EBF1: variants seen among roughly 807,000 people sequenced by gnomAD.
EBF1 encodes transcription factor COE1.
EBF1 carries 10 observed loss-of-function variants against 68.4 expected under a neutral mutation model. The observed-to-expected ratio is 0.15, with a 90% CI of 0.09 to 0.25. The LOEUF is 0.25. Among genes scored for constraint, EBF1 ranks in the 10% least tolerant of loss-of-function variants. The pLI is 1.00. For missense variants in EBF1, 509 were observed against 794.4 expected, an observed-to-expected ratio of 0.64 and a Z score of 4.32; for synonymous variants, 298 against 299.8, an observed-to-expected ratio of 0.99 and a Z score of 0.06.
At position 158,726,188 on chromosome 5, in the gene EBF1, T is replaced by C. The variant is rs570397048; in HGVS notation, c.1125+4881A>G. Among the ~76,000 whole-genome samples the C allele has an allele frequency of 2.0e-5, 3 of 152,346 alleles. No individual in the cohort carries two copies. In the South Asian group the frequency reaches 6.2e-4, roughly 32 times the overall value. ...AAAGGATAAAAAATGCTTTGAGCCA[T>C]GTCTACGTGTTATCTATACCTACCA... is the stretch of plus-strand genomic sequence containing the variant. On this transcript the variant is annotated intron_variant, in intron 11 of 15. Coordinates refer to ENST00000313708, the MANE Select transcript of EBF1 (RefSeq NM_024007.5).
intron 6 of EBF1, among the ~76,000 whole-genome samples, chr5:159,021,502 T>C (rs1006429311): frequency 6.6e-6 from 1 of 152,192 alleles, no homozygotes; most frequent in African/African-American, 2.4e-5. Context: ...GGTCCACCTG[T>C]GCCTGTGAGG....
intron 6 of EBF1, among the ~76,000 whole-genome samples, chr5:159,027,658 C>T (rs552984948): frequency 1.3e-5 from 2 of 152,166 alleles, no homozygotes; most frequent in South Asian, 2.1e-4. Context: ...TATCCCAAAA[C>T]GTTAGTTCTT....
At chr5:159,009,296 T>C (rs1003824715) in intron 6 of EBF1, among the ~76,000 whole-genome samples, 2 of 152,202 alleles carry the variant, frequency 1.3e-5, no homozygotes, top group African/African-American at 2.4e-5. Context: ...AATTGTTTTA[T>C]AGTGTTAAGA....
chr5:158,712,361 G>T (rs561976716), intron 13 of EBF1, 28 bp from the exon 14 acceptor site: 2 of 1,610,576 alleles, frequency 1.2e-6, no homozygotes, highest in South Asian at 2.2e-5. Context: ...AACCGGAGGT[G>T]AGGGTGGCAT....
intron 4 of EBF1, 94 bp from the exon 5 acceptor site, chr5:159,084,833 C>A: frequency 2.8e-6 from 3 of 1,080,314 alleles, no homozygotes; most frequent in East Asian, 2.8e-5. Flanking sequence ...TTCACCACTA[C>A]TGAAGGCCAA....
intron 6 of EBF1, among the ~76,000 whole-genome samples, chr5:158,977,855 A>T (rs923612170): frequency 1.3e-5 from 2 of 152,118 alleles, no homozygotes; most frequent in African/African-American, 4.8e-5. Context: ...GCCCTGCCTT[A>T]GGAGGAGGGA....
intron 5 of EBF1, among the ~76,000 whole-genome samples, chr5:159,077,086 G>A (rs1220797869): frequency 1.3e-5 from 2 of 152,202 alleles, no homozygotes; most frequent in African/African-American, 4.8e-5. Flanking sequence ...GTTTTTACAA[G>A]TATGGTTCAC....
rs900483080 is a variant in EBF1 at position 158,846,852 on chromosome 5, G to C, written c.555-6742C>G. On this transcript the variant is annotated intron_variant, in intron 6 of 15. Coordinates refer to ENST00000313708, the MANE Select transcript of EBF1 (RefSeq NM_024007.5). The stretch of plus-strand genomic sequence containing the variant: ...CTGATATTAACATGCATTCCTGAGA[G>C]AGACCCTCTTTGACTTAAGCACCAA... 5.3e-5 allele frequency among the ~76,000 whole-genome samples: 8 copies of C among 152,294 alleles called. No individual in the cohort carries two copies. In the East Asian group the frequency reaches 7.7e-4, roughly 15 times the overall value.
At chr5:158,880,435 G>A (rs1008602005) in intron 6 of EBF1, among the ~76,000 whole-genome samples, 3 of 152,140 alleles carry the variant, frequency 2.0e-5, no homozygotes, top group Non-Finnish European at 2.9e-5. Context: ...TGGCCATAAA[G>A]ATTATTAGGT....
chr5:158,782,070 C>T (rs1168314310), intron 9 of EBF1, among the ~76,000 whole-genome samples: 1 of 152,120 alleles, frequency 6.6e-6, no homozygotes, highest in African/African-American at 2.4e-5. Flanking sequence ...AACACCATTC[C>T]CTTGCCCAAC....
chr5:158,812,773 T>C (rs1041740171), intron 8 of EBF1, among the ~76,000 whole-genome samples: 9 of 152,134 alleles, frequency 5.9e-5, no homozygotes, highest in Admixed American at 2.6e-4. Context: ...CATAATGCGC[T>C]GCCTGGGTGG....
chr5:158,937,993 G>A (rs567267707), intron 6 of EBF1, among the ~76,000 whole-genome samples: 1 of 152,104 alleles, frequency 6.6e-6, no homozygotes, highest in African/African-American at 2.4e-5. Flanking sequence ...ATAATGTCTC[G>A]TCGTGGACCT....
At chr5:158,797,059 A>G (rs1057146489) in intron 8 of EBF1, among the ~76,000 whole-genome samples, 1 of 152,188 alleles carries the variant, frequency 6.6e-6, no homozygotes, top group African/African-American at 2.4e-5. Flanking sequence ...TGAAGAATGC[A>G]GGTCACTCGG....
Position 158,790,222 on chromosome 5 carries a change from C to A in EBF1, c.909+6123G>T, listed in dbSNP as rs76204928. On this transcript the variant is annotated intron_variant, in intron 9 of 15. Coordinates refer to ENST00000313708, the MANE Select transcript of EBF1 (RefSeq NM_024007.5). ...GCAATCTTTAAATATAGCTGCCCTA[C>A]AAAATCATATAGCATCTAATGCCAA... Among the ~76,000 whole-genome samples the A allele has an allele frequency of 3.0e-3, 456 of 152,334 alleles. 8 individuals are homozygous for A. In the East Asian group the frequency reaches 0.054, roughly 18 times the overall value.
At chr5:158,761,532 CA>C (rs1277976004) in intron 10 of EBF1, among the ~76,000 whole-genome samples, 1 of 152,156 alleles carries the variant, frequency 6.6e-6, no homozygotes, top group African/African-American at 2.4e-5. Flanking sequence ...TGGTAATTCA[CA>C]TTAACTTCAT....
At chr5:158,846,872 C>T (rs968601755) in intron 6 of EBF1, among the ~76,000 whole-genome samples, 18 of 152,266 alleles carry the variant, frequency 1.2e-4, no homozygotes, top group Middle Eastern at 3.4e-3. Flanking sequence ...TTGACTTAAG[C>T]ACCAATCATT....
At chr5:159,055,961 C>G (rs1018252087) in intron 6 of EBF1, among the ~76,000 whole-genome samples, 1 of 152,196 alleles carries the variant, frequency 6.6e-6, no homozygotes, top group Non-Finnish European at 1.5e-5. Context: ...TGTCTGAGGT[C>G]AATGAACTCA....
At chr5:158,764,262 C>G (rs1772157427) in intron 10 of EBF1, among the ~76,000 whole-genome samples, 1 of 152,130 alleles carries the variant, frequency 6.6e-6, no homozygotes, top group Non-Finnish European at 1.5e-5. Flanking sequence ...AGTGTGGAGA[C>G]AAGCTCTTGG....
intron 6 of EBF1, among the ~76,000 whole-genome samples, chr5:158,946,333 G>A (rs1814692263): frequency 6.6e-6 from 1 of 152,068 alleles, no homozygotes; most frequent in Non-Finnish European, 1.5e-5. Context: ...TATACCTTTG[G>A]TCTTTGCTAT....
Sources: gnomAD v4.1 joint callset for allele counts (sites outside exome capture counted in the v4.1 genomes callset) on GRCh38, gnomAD v4.1.1 for gene constraint, MANE v1.5 for transcripts, NCBI Gene and HGNC (gene_info 2026-07-23, HGNC 2026-07-21) for gene names.